HMCN1: variants seen among roughly 807,000 people sequenced by gnomAD.
The protein encoded by HMCN1 is hemicentin-1.
A neutral mutation model predicts 625.9 loss-of-function variants in HMCN1; 321 were observed. The observed-to-expected ratio is 0.51, with a 90% CI of 0.47 to 0.56. HMCN1 has a LOEUF of 0.56. Ranked by LOEUF, HMCN1 falls within the 20% of genes least tolerant of loss-of-function variation. The pLI is 0.00. For missense variants in HMCN1, 6,588 were observed against 6,887.3 expected (o/e 0.96, Z 1.54); for synonymous variants, 2,425 against 2,417.6 (o/e 1.00, Z -0.09).
chr1:186,044,641 T>C (rs1189867711), intron 40 of HMCN1, among the ~76,000 whole-genome samples: 4 of 152,170 alleles, frequency 2.6e-5, no homozygotes, highest in Non-Finnish European at 4.4e-5. Context: ...AACTTAACCT[T>C]TTTTTGTAAC....
chr1:186,119,291 T>C lies in HMCN1; in HGVS notation c.11949T>C (p.His3983=). ...CTGCACATCGACACGTGACCCTTCA[T>C]GTTCATGGTATGGAAGGCTATTTAC... ...AGSAHRHVTL[H]VHEPPVIQPQ... is the part of the protein sequence containing the mutation. The change falls in exon 78 of 107, where the codon CAT becomes CAC. Residue 3983 remains histidine, a synonymous_variant. Transcript: ENST00000271588. 8.7e-6 allele frequency: 14 copies of C among 1,612,124 alleles called. No homozygotes were observed. Among genetic ancestry groups the C allele is most frequent in the Non-Finnish European group, 1.1e-5 (13 of 1,178,198 alleles).
chr1:186,015,310 A>T lies in HMCN1; in HGVS notation c.4782A>T (p.Ala1594=), dbSNP rs78613732. 3 of 1,613,724 alleles carry T rather than the reference A, an allele frequency of 1.9e-6. No homozygotes were observed. Among genetic ancestry groups the T allele is most frequent in the Non-Finnish European group, 2.5e-6 (3 of 1,179,832 alleles). Residue 1594 remains alanine, a synonymous_variant, in exon 31 of 107, where the codon GCA becomes GCT. Coordinates refer to ENST00000271588, the MANE Select transcript of HMCN1 (RefSeq NM_031935.3). ...AGCCAATCATGTCCAGCTCACAAGC[A>T]CTTTATATTGATAAAGGACAATATC... The part of the protein sequence containing the change: ...DGQPIMSSSQ[A]LYIDKGQYLH...
chr1:186,079,121 CTCATCA>C (rs1233171480), intron 55 of HMCN1, among the ~76,000 whole-genome samples: 1 of 150,414 alleles, frequency 6.6e-6, no homozygotes, highest in African/African-American at 2.5e-5. Context: ...CAGCAGCTCT[CTCATCA>C]GCAGCTCTCT....
Position 186,087,222 on chromosome 1 carries a change from C to A in HMCN1, c.9052C>A (p.Arg3018=), listed in dbSNP as rs1306271132. 6.2e-7 allele frequency: 1 copy of A among 1,606,998 alleles called. No individual in the cohort carries two copies. Among genetic ancestry groups the A allele is most frequent in the Non-Finnish European group, 8.5e-7 (1 of 1,173,966 alleles). The change falls in exon 59 of 107, where the codon CGA becomes AGA. Residue 3018 remains arginine, a synonymous_variant. Transcript: ENST00000271588. ...NTNTLIVPGG[R]TLQIIRAKVS... is the part of the protein sequence containing the mutation. ...TGCATTCTATTTACCTACAGGTGGT[C>A]GAACTCTACAGATTATTCGGGCCAA...
chr1:185,852,442 A>G (rs1161661582), intron 2 of HMCN1, among the ~76,000 whole-genome samples: 1 of 151,990 alleles, frequency 6.6e-6, no homozygotes, highest in Non-Finnish European at 1.5e-5. Flanking sequence ...ATATGTCATC[A>G]TGGACATAGA....
intron 29 of HMCN1, among the ~76,000 whole-genome samples, chr1:186,006,102 C>T (rs1231127378): frequency 6.7e-6 from 1 of 150,008 alleles, no homozygotes; most frequent in Non-Finnish European, 1.5e-5. Flanking sequence ...CACCATTGCA[C>T]TCCAGCCTGG....
chr1:185,911,708 G>A lies in HMCN1; in HGVS notation c.828G>A (p.Glu276=). The change falls in exon 6 of 107, where the codon GAG becomes GAA. Residue 276 remains glutamate (E), a synonymous_variant. Transcript: ENST00000271588. ...KLIKKGFGLH[E]LLNIHNSAKV... The stretch of plus-strand genomic sequence containing the variant: ...TAAAAAAGGGATTTGGCCTGCATGA[G>A]CTATTAAATATCCATAACTCTGCCA... 1 of 1,613,438 alleles carries A rather than the reference G, an allele frequency of 6.2e-7. No individual in the cohort carries two copies. The highest frequency in any genetic ancestry group is 8.5e-7 in the Non-Finnish European group (1 of 1,179,490).
At chr1:185,913,276 A>G (rs890288013) in intron 6 of HMCN1, among the ~76,000 whole-genome samples, 8 of 152,164 alleles carry the variant, frequency 5.3e-5, no homozygotes, top group African/African-American at 1.7e-4. Flanking sequence ...TTTTCCACCC[A>G]GTTCCTTGCA....
Position 186,152,884 on chromosome 1 carries a change from G to A in HMCN1, c.15018+13G>A. The A allele has an allele frequency of 1.2e-6, 2 of 1,613,492 alleles. No homozygotes were observed. The highest frequency in any genetic ancestry group is 1.7e-6 in the Non-Finnish European group (2 of 1,179,522). The stretch of plus-strand genomic sequence containing the variant: ...AGTCACTGTAAAGGTAAAATGCCAG[G>A]ATAACTTGTCTTTGCTGCTTATTAG... On this transcript the variant is annotated intron_variant, in intron 96 of 106. Transcript: ENST00000271588.
chr1:186,112,032 A>G (rs1049964004), intron 71 of HMCN1, among the ~76,000 whole-genome samples: 4 of 152,188 alleles, frequency 2.6e-5, no homozygotes, highest in African/African-American at 9.7e-5. Context: ...AACTATGATC[A>G]TATATTTTAT....
At chr1:185,854,240 C>T (rs1051502078) in intron 2 of HMCN1, among the ~76,000 whole-genome samples, 1 of 152,100 alleles carries the variant, frequency 6.6e-6, no homozygotes, top group African/African-American at 2.4e-5. Flanking sequence ...TTTCTCTATC[C>T]AAACTGGGTA....
intron 71 of HMCN1, 49 bp from the exon 72 acceptor site, chr1:186,112,763 C>A (rs781495673): frequency 1.9e-6 from 3 of 1,606,520 alleles, no homozygotes; most frequent in South Asian, 1.1e-5. Context: ...AATATTTATT[C>A]TCTTTTCCTG....
At chr1:185,968,038 G>A in intron 14 of HMCN1, among the ~76,000 whole-genome samples, 1 of 152,252 alleles carries the variant, frequency 6.6e-6, no homozygotes, top group South Asian at 2.1e-4. Flanking sequence ...AAAAGTATAT[G>A]TATGGTAAAA....
At chr1:186,118,864 T>A (rs1162011736) in intron 77 of HMCN1, among the ~76,000 whole-genome samples, 1 of 152,200 alleles carries the variant, frequency 6.6e-6, no homozygotes, top group Non-Finnish European at 1.5e-5. Context: ...GAGTGGGGAA[T>A]GACTGTAAAT....
chr1:185,735,112 A>G, intron 1 of HMCN1, 65 bp downstream of exon 1: 1 of 1,520,878 alleles, frequency 6.6e-7, no homozygotes, highest in Non-Finnish European at 9.1e-7. Flanking sequence ...TCATGCTGTG[A>G]ATGAAATTGT....
intron 24 of HMCN1, among the ~76,000 whole-genome samples, chr1:185,996,781 T>G (rs995882544): frequency 6.6e-6 from 1 of 152,132 alleles, no homozygotes; most frequent in Non-Finnish European, 1.5e-5. Context: ...CCCAAATTTC[T>G]TCATGAAATG....
intron 4 of HMCN1, among the ~76,000 whole-genome samples, chr1:185,894,983 T>C (rs55975103): frequency 0.071 from 10,809 of 152,228 alleles, 1,339 homozygotes; most frequent in African/African-American, 0.25. Flanking sequence ...ATTTAGTCTC[T>C]AGAGTTATCA....
chr1:186,050,656 G>A (rs1656889957), intron 42 of HMCN1, among the ~76,000 whole-genome samples: 1 of 152,014 alleles, frequency 6.6e-6, no homozygotes, highest in East Asian at 1.9e-4. Context: ...TTACAAATAT[G>A]CAGACCAGTA....
chr1:186,027,098 C>T (rs992376948), intron 36 of HMCN1, among the ~76,000 whole-genome samples: 1 of 152,170 alleles, frequency 6.6e-6, no homozygotes, highest in African/African-American at 2.4e-5. Context: ...TACCATTCTT[C>T]TTAGTCATAG....
Sources: gnomAD v4.1 joint callset for allele counts (sites outside exome capture counted in the v4.1 genomes callset) on GRCh38, gnomAD v4.1.1 for gene constraint, MANE v1.5 for transcripts, NCBI Gene and HGNC (gene_info 2026-07-23, HGNC 2026-07-21) for gene names.